RSRC1: variants seen among roughly 807,000 people sequenced by gnomAD.
RSRC1 encodes arginine and serine rich coiled-coil 1.
In RSRC1, 39 loss-of-function variants were observed where a neutral mutation model predicts 49.1. The observed-to-expected ratio is 0.79, with a 90% CI of 0.61 to 1.04. The LOEUF (loss-of-function observed/expected upper bound fraction) is 1.04. Ranked by LOEUF, RSRC1 falls within the 50% of genes least tolerant of loss-of-function variation. The pLI is 0.00. For synonymous variants in RSRC1, 143 were observed against 130.8 expected, an observed-to-expected ratio of 1.09 and a Z score of -0.63; for missense variants, 388 against 402.4, an observed-to-expected ratio of 0.96 and a Z score of 0.31.
chr3:158,216,311 T>A (rs1051743736), intron 4 of RSRC1, among the ~76,000 whole-genome samples: 1 of 151,466 alleles, frequency 6.6e-6, no homozygotes, highest in African/African-American at 2.4e-5. Flanking sequence ...TCTCTTTTTT[T>A]AAAAAAAATC....
chr3:158,471,828 T>C (rs1375444451), intron 7 of RSRC1, among the ~76,000 whole-genome samples: 1 of 152,176 alleles, frequency 6.6e-6, no homozygotes, highest in Admixed American at 6.5e-5. Flanking sequence ...CCAACCAACG[T>C]AGACATTATT....
intron 1 of RSRC1, among the ~76,000 whole-genome samples, chr3:158,113,061 T>C (rs548517425): frequency 6.6e-6 from 1 of 152,352 alleles, no homozygotes; most frequent in South Asian, 2.1e-4. Context: ...GCATTTAGTT[T>C]GATTTTGTGT....
At chr3:158,336,013 G>C (rs1445171821) in intron 5 of RSRC1, among the ~76,000 whole-genome samples, 2 of 152,202 alleles carry the variant, frequency 1.3e-5, no homozygotes, top group African/African-American at 4.8e-5. Context: ...TTTAGAAGCA[G>C]TAATTCCAGA....
Position 158,229,285 on chromosome 3 carries a change from T to C in RSRC1, c.494+26040T>C, listed in dbSNP as rs1469033021. The stretch of plus-strand genomic sequence containing the variant: ...ATATGTGTATGTATGTATATAAACA[T>C]ACACACACGTATATGTGTATGTATG... On this transcript the variant is annotated intron_variant, in intron 4 of 9. Coordinates refer to ENST00000611884, the MANE Select transcript of RSRC1 (RefSeq NM_001271838.2). Among the ~76,000 whole-genome samples the C allele has an allele frequency of 2.4e-5, 2 of 81,672 alleles. 1 individual carries two copies. Among genetic ancestry groups the C allele is most frequent in the Non-Finnish European group, 5.5e-5 (2 of 36,346 alleles). 53.6% of individuals were successfully genotyped at this position (81,672 alleles called of 152,430 possible).
chr3:158,535,169 G>A (rs1714509), intron 7 of RSRC1, among the ~76,000 whole-genome samples: 71,059 of 151,010 alleles, frequency 0.47, 16,843 homozygotes, highest in Middle Eastern at 0.54. Flanking sequence ...ACTTTAGAGC[G>A]TAGTATTTTA....
intron 4 of RSRC1, among the ~76,000 whole-genome samples, chr3:158,214,613 CAT>C: frequency 6.6e-6 from 1 of 151,674 alleles, no homozygotes; most frequent in East Asian, 1.9e-4. Context: ...CACAAATTCT[CAT>C]ATGTTGTGTT....
intron 5 of RSRC1, among the ~76,000 whole-genome samples, chr3:158,322,731 A>G (rs1247464530): frequency 1.3e-5 from 2 of 152,044 alleles, no homozygotes; most frequent in African/African-American, 4.8e-5. Context: ...TAGGACTTCA[A>G]TTACATGTAT....
intron 5 of RSRC1, among the ~76,000 whole-genome samples, chr3:158,345,766 T>C (rs1248966261): frequency 8.0e-6 from 1 of 124,342 alleles, no homozygotes; most frequent in Admixed American, 8.8e-5. Flanking sequence ...ATCATATATA[T>C]GTGTGTGTGT....
At chr3:158,373,406 A>G (rs1428268500) in intron 6 of RSRC1, among the ~76,000 whole-genome samples, 2 of 151,804 alleles carry the variant, frequency 1.3e-5, no homozygotes, top group African/African-American at 2.4e-5. Context: ...GTTTTCTTCT[A>G]TTCTTATTTT....
chr3:158,518,252 C>T (rs984287079), intron 7 of RSRC1, among the ~76,000 whole-genome samples: 1 of 146,182 alleles, frequency 6.8e-6, no homozygotes, highest in Non-Finnish European at 1.5e-5. Context: ...TTTTAAAAAG[C>T]AAGATTGTGC....
At chr3:158,504,310 A>G (rs1270099069) in intron 7 of RSRC1, among the ~76,000 whole-genome samples, 17 of 152,174 alleles carry the variant, frequency 1.1e-4, no homozygotes, top group Non-Finnish European at 8.8e-5. Context: ...TCTTGCAGTC[A>G]TTCTGGAGCT....
chr3:158,465,161 T>A (rs1266948437), intron 7 of RSRC1, among the ~76,000 whole-genome samples: 1 of 152,124 alleles, frequency 6.6e-6, no homozygotes, highest in African/African-American at 2.4e-5. Context: ...TCAGGGTGTC[T>A]ATGTCCTTTT....
chr3:158,330,331 G>A (rs1315381462), intron 5 of RSRC1, among the ~76,000 whole-genome samples: 1 of 152,226 alleles, frequency 6.6e-6, no homozygotes, highest in East Asian at 1.9e-4. Flanking sequence ...TCTGGGAGCT[G>A]TAGACTGGAG....
At chr3:158,157,268 G>GT (rs1717933480) in intron 3 of RSRC1, among the ~76,000 whole-genome samples, 1 of 152,156 alleles carries the variant, frequency 6.6e-6, no homozygotes, top group Non-Finnish European at 1.5e-5. Flanking sequence ...AATAGAGAAT[G>GT]TTTAACATGT....
chr3:158,256,186 T>C (rs1274176833), intron 4 of RSRC1, among the ~76,000 whole-genome samples: 1 of 152,176 alleles, frequency 6.6e-6, no homozygotes, highest in Non-Finnish European at 1.5e-5. Context: ...CAGTATGATA[T>C]TGGCTGTGGG....
At chr3:158,459,676 G>GT (rs2108403705) in intron 6 of RSRC1, among the ~76,000 whole-genome samples, 1 of 152,042 alleles carries the variant, frequency 6.6e-6, no homozygotes, top group South Asian at 2.1e-4. Flanking sequence ...CTGGTGGTTT[G>GT]TTTTTATTAT....
intron 6 of RSRC1, among the ~76,000 whole-genome samples, chr3:158,458,320 G>GA (rs1737448925): frequency 6.6e-6 from 1 of 151,854 alleles, no homozygotes; most frequent in South Asian, 2.1e-4. Flanking sequence ...AGCAAAAATA[G>GA]AAAAAAATGG....
intron 3 of RSRC1, among the ~76,000 whole-genome samples, chr3:158,166,546 G>A (rs573076240): frequency 6.6e-6 from 1 of 152,170 alleles, no homozygotes. Context: ...AATGCTTAAG[G>A]TTAAAATTAT....
intron 7 of RSRC1, among the ~76,000 whole-genome samples, chr3:158,508,342 A>G (rs915652906): frequency 6.7e-6 from 1 of 150,144 alleles, no homozygotes; most frequent in Non-Finnish European, 1.5e-5. Context: ...CTGTTGTTTC[A>G]TCCCTTTTGT....
Sources: allele counts gnomAD v4.1 joint callset (sites outside exome capture counted in the v4.1 genomes callset), GRCh38; gene constraint gnomAD v4.1.1; transcripts MANE v1.5; gene names NCBI Gene and HGNC (gene_info 2026-07-23, HGNC 2026-07-21).